Variants in SYNCRIP observed in about 807,000 individuals in gnomAD.
The protein encoded by SYNCRIP is heterogeneous nuclear ribonucleoprotein Q.
SYNCRIP carries 9 observed loss-of-function variants against 68.9 expected under a neutral mutation model. The observed-to-expected ratio is 0.13, with a 90% CI of 0.08 to 0.23. The LOEUF (loss-of-function observed/expected upper bound fraction) is 0.23, where lower values mean the gene tolerates loss of function less well. Among genes scored for constraint, SYNCRIP ranks in the 10% least tolerant of loss-of-function variants. SYNCRIP has a pLI of 1.00. For missense variants in SYNCRIP, 414 were observed against 770.6 expected (o/e 0.54, Z 5.48); for synonymous variants, 258 against 254.0 (o/e 1.02, Z -0.15).
intron 10 of SYNCRIP, among the ~76,000 whole-genome samples, chr6:85,617,300 C>T (rs1805890101): frequency 6.6e-6 from 1 of 152,018 alleles, no homozygotes; most frequent in Non-Finnish European, 1.5e-5. Context: ...GATATACTGA[C>T]ATCCTCCACC....
chr6:85,614,553 T>C lies in SYNCRIP; in HGVS notation c.*203A>G. On this transcript the variant is annotated 3_prime_UTR_variant, in exon 11 of 11. Transcript: ENST00000369622. ...ATTTCTTTCAGTATCTAAGAATATC[T>C]TTATTGAAAAAAATTAAAAATAAAA... The C allele has an allele frequency of 2.3e-6, 3 of 1,286,982 alleles. No homozygotes were observed. Among genetic ancestry groups the C allele is most frequent in the Non-Finnish European group, 2.9e-6 (3 of 1,020,066 alleles). 79.7% of individuals were successfully genotyped at this position (1,286,982 alleles called of 1,614,324 possible). A position where few individuals can be genotyped will look rare whatever the true frequency, so the allele number is the denominator to read the frequency against.
At chr6:85,613,671 A>G (rs1387015573), downstream of SYNCRIP, among the ~76,000 whole-genome samples, 1 of 152,226 alleles carries the variant, frequency 6.6e-6, no homozygotes, top group African/African-American at 2.4e-5. Context: ...ACTAACTGTA[A>G]AGCTGTTTTA....
At chr6:85,610,985 A>G (rs960871438), downstream of SYNCRIP, 12 of 152,194 alleles carry the variant, frequency 7.9e-5, no homozygotes, top group East Asian at 5.8e-4. Flanking sequence ...CATTTTGTAG[A>G]TAAGTTTCAA....
intron 6 of SYNCRIP, among the ~76,000 whole-genome samples, chr6:85,633,068 C>T (rs931987648): frequency 4.6e-5 from 7 of 151,112 alleles, no homozygotes; most frequent in Non-Finnish European, 7.4e-5. Context: ...CTGGCTAACA[C>T]GGTGAAACCC....
chr6:85,622,470 G>A lies in SYNCRIP; in HGVS notation c.1008+12C>T. ...ATCCCTCAAAAAATATTTTTAACTT[G>A]ACTATCATTACCTTTGCCATAACCT... On this transcript the variant is annotated intron_variant, in intron 8 of 10. Coordinates refer to ENST00000369622, the MANE Select transcript of SYNCRIP (RefSeq NM_006372.5). 6.7e-7 allele frequency: 1 copy of A among 1,494,740 alleles called. No homozygotes were observed. The highest frequency in any genetic ancestry group is 9.2e-7 in the Non-Finnish European group (1 of 1,092,654). 92.6% of individuals were successfully genotyped at this position (1,494,740 alleles called of 1,614,324 possible).
chr6:85,620,501 T>C (rs1171750659), intron 8 of SYNCRIP, among the ~76,000 whole-genome samples: 1 of 152,152 alleles, frequency 6.6e-6, no homozygotes, highest in Non-Finnish European at 1.5e-5. Flanking sequence ...TGCCAGTGGT[T>C]GAATGGGGAG....
intron 6 of SYNCRIP, among the ~76,000 whole-genome samples, chr6:85,627,394 A>G (rs1344463256): frequency 6.6e-6 from 1 of 152,176 alleles, no homozygotes; most frequent in Non-Finnish European, 1.5e-5. Flanking sequence ...AACTATAACA[A>G]AAGTAGTACC....
chr6:85,624,271 T>C (rs1032820522), intron 6 of SYNCRIP, among the ~76,000 whole-genome samples, 159 bp from the exon 7 acceptor site: 3 of 152,192 alleles, frequency 2.0e-5, no homozygotes, highest in Admixed American at 6.5e-5. Context: ...ACAAGACCCA[T>C]TGGACAAGTT....
chr6:85,637,321 C>A lies in SYNCRIP; in HGVS notation c.411G>T (p.Val137=). The change falls in exon 5 of 11, where the codon GTG becomes GTT. Residue 137 remains valine, a synonymous_variant. Transcript: ENST00000369622. ...CTCCATACTTCCTCTGTCCAGTGGT[C>A]ACATCAAGTGTGTAGCCTGTTCTTT... ...LLERTGYTLD[V]TTGQRKYGGP... 6.2e-7 allele frequency: 1 copy of A among 1,613,852 alleles called. No homozygotes were observed. Among genetic ancestry groups the A allele is most frequent in the South Asian group, 1.1e-5 (1 of 90,984 alleles).
chr6:85,615,580 T>C (rs1805677643), intron 10 of SYNCRIP, among the ~76,000 whole-genome samples: 1 of 152,230 alleles, frequency 6.6e-6, no homozygotes, highest in African/African-American at 2.4e-5. Flanking sequence ...ACCTTATTTA[T>C]TTCTTCATGA....
rs939539623 is a variant in SYNCRIP, at chr6:85,616,324, T to TTTTA, written c.1281-981_1281-978dup. Among the ~76,000 whole-genome samples the TTTTA allele has an allele frequency of 3.9e-5, 6 of 152,068 alleles. No homozygotes were observed. In the East Asian group the frequency reaches 5.8e-4, roughly 15 times the overall value. ...TTTTTATTCCGTACCTGTTATGTTA[T>TTTTA]TTTATTTATTTATTTATTTGAGACA... is the stretch of plus-strand genomic sequence containing the variant. On this transcript the variant is annotated intron_variant, in intron 10 of 10. Transcript: ENST00000369622.
rs1433147308 is a variant in SYNCRIP at position 85,614,522 on chromosome 6, TTAAC to T, written c.*230_*233del. The T allele has an allele frequency of 3.3e-6, 4 of 1,229,006 alleles. No individual in the cohort carries two copies. The highest frequency in any genetic ancestry group is 4.1e-6 in the Non-Finnish European group (4 of 985,174). The allele number at this position is 1,229,006 out of a possible 1,614,324, so 76.1% of individuals were successfully genotyped here. On this transcript the variant is annotated 3_prime_UTR_variant, in exon 11 of 11. Transcript: ENST00000369622. Reference sequence around the variant, plus strand: ...TTTCTCAAGCACAAATGCAAACTCATTAACTATTTCTTTCAGTATCTAAGAATAT... The same window carrying T: ...TTTCTCAAGCACAAATGCAAACTCATTATTTCTTTCAGTATCTAAGAATAT...
Position 85,614,787 on chromosome 6 carries a change from T to TA in SYNCRIP, c.1840dup (p.Tyr614LeufsTer18). The TA allele has an allele frequency of 6.2e-7, 1 of 1,609,254 alleles. No homozygotes were observed. Among genetic ancestry groups the TA allele is most frequent in the African/African-American group, 1.3e-5 (1 of 74,772 alleles). Reference sequence around the variant, plus strand: ...CCACTGTTGCCCAAAAGTATCCTGATAAAACTCCTGGTTTTCAGATTTGTA... The same window carrying TA: ...CCACTGTTGCCCAAAAGTATCCTGATAAAAACTCCTGGTTTTCAGATTTGTA... On this transcript the variant is annotated frameshift_variant, in exon 11 of 11. Transcript: ENST00000369622. LOFTEE classifies it high-confidence loss of function.
intron 6 of SYNCRIP, among the ~76,000 whole-genome samples, chr6:85,628,596 G>A (rs1262181550): frequency 1.3e-5 from 2 of 152,126 alleles, no homozygotes; most frequent in Non-Finnish European, 2.9e-5. Context: ...TGTAAACGCA[G>A]ACTGAAACAG....
chr6:85,618,994 C>A, intron 9 of SYNCRIP, 55 bp from the exon 10 acceptor site: 8 of 1,527,674 alleles, frequency 5.2e-6, no homozygotes, highest in Non-Finnish European at 7.2e-6. Context: ...AATTATGATT[C>A]ATTTAAAGTT....
At chr6:85,634,123 T>G (rs970102279) in intron 6 of SYNCRIP, among the ~76,000 whole-genome samples, 1 of 152,198 alleles carries the variant, frequency 6.6e-6, no homozygotes, top group African/African-American at 2.4e-5. Context: ...ATTTAAAAAC[T>G]ATATTAATAA....
chr6:85,637,457 G>C (rs1036926588), intron 4 of SYNCRIP, 101 bp from the exon 5 acceptor site: 1 of 744,670 alleles, frequency 1.3e-6, no homozygotes, highest in Non-Finnish European at 2.1e-6. Context: ...CAATTATCTT[G>C]GCATGTTCCC....
chr6:85,625,320 CCTG>C (rs2128288394), intron 6 of SYNCRIP, among the ~76,000 whole-genome samples: 1 of 152,106 alleles, frequency 6.6e-6, no homozygotes, highest in South Asian at 2.1e-4. Context: ...AAAGATGACT[CCTG>C]CTACTTTCTC....
At chr6:85,613,010 G>C, downstream of SYNCRIP, 1 of 1,448,946 alleles carries the variant, frequency 6.9e-7, no homozygotes, top group Non-Finnish European at 9.3e-7. Context: ...AAAAAGACAA[G>C]CCTTAACATG....
Sources: gnomAD v4.1 joint callset for allele counts (sites outside exome capture counted in the v4.1 genomes callset) on GRCh38, gnomAD v4.1.1 for gene constraint, MANE v1.5 for transcripts, NCBI Gene and HGNC (gene_info 2026-07-23, HGNC 2026-07-21) for gene names.